Variants in ZNF713 observed in about 807,000 individuals in gnomAD.
ZNF713 encodes the protein zinc finger protein 713.
In ZNF713, 21 loss-of-function variants were observed where a neutral mutation model predicts 28.7. That is an observed-to-expected ratio of 0.73 (90% confidence interval 0.52 to 1.05). The LOEUF (loss-of-function observed/expected upper bound fraction) is 1.05, where lower values mean the gene tolerates loss of function less well. Ranked by LOEUF, ZNF713 falls within the 50% of genes least tolerant of loss-of-function variation. The pLI, the probability that ZNF713 is intolerant of heterozygous loss-of-function variation, is 0.00. For missense variants in ZNF713, 458 were observed against 532.4 expected (o/e 0.86, Z 1.37); for synonymous variants, 167 against 178.0 (o/e 0.94, Z 0.49).
At chr7:55,918,695 C>T (rs1180084081) in intron 4 of ZNF713, among the ~76,000 whole-genome samples, 1 of 152,110 alleles carries the variant, frequency 6.6e-6, no homozygotes, top group Non-Finnish European at 1.5e-5. Context: ...ACATTGTTAC[C>T]TTCAGTAACA....
chr7:55,932,909 A>AAAG (rs1554337804), intron 6 of ZNF713, among the ~76,000 whole-genome samples: 8 of 145,618 alleles, frequency 5.5e-5, no homozygotes, highest in African/African-American at 1.8e-4. Context: ...AAAAAAAAAA[A>AAAG]AGAAGCTACA....
At chr7:55,925,979 C>T (rs1049983375) in intron 6 of ZNF713, among the ~76,000 whole-genome samples, 1 of 152,280 alleles carries the variant, frequency 6.6e-6, no homozygotes, top group Non-Finnish European at 1.5e-5. Flanking sequence ...TGTCCCTCTA[C>T]ACAGACCCCC....
intron 1 of ZNF713, among the ~76,000 whole-genome samples, chr7:55,889,103 A>ATT (rs34452146): frequency 0.035 from 4,981 of 144,068 alleles, 284 homozygotes; most frequent in African/African-American, 0.12. Context: ...TCATATAATG[A>ATT]TTTTTTTTTT....
chr7:55,897,001 T>C (rs1785485276), intron 1 of ZNF713, among the ~76,000 whole-genome samples: 1 of 152,128 alleles, frequency 6.6e-6, no homozygotes, highest in African/African-American at 2.4e-5. Flanking sequence ...TTTTAACTCA[T>C]AGAATAAAAT....
intron 6 of ZNF713, among the ~76,000 whole-genome samples, chr7:55,938,361 C>T (rs901137232): frequency 6.6e-6 from 1 of 151,280 alleles, no homozygotes; most frequent in Non-Finnish European, 1.5e-5. Context: ...CATGCTTGTC[C>T]AAAATATGTT....
At chr7:55,930,715 G>T (rs1370793518) in intron 6 of ZNF713, among the ~76,000 whole-genome samples, 1 of 152,050 alleles carries the variant, frequency 6.6e-6, no homozygotes, top group Non-Finnish European at 1.5e-5. Context: ...GCAGTAAGCC[G>T]AGATCGTGCT....
intron 1 of ZNF713, among the ~76,000 whole-genome samples, chr7:55,893,890 G>A (rs1382436362): frequency 6.6e-6 from 1 of 152,130 alleles, no homozygotes; most frequent in Non-Finnish European, 1.5e-5. Flanking sequence ...AAGGGTTGTT[G>A]TTTCTATGAC....
chr7:55,930,514 A>AT (rs1328922438), intron 6 of ZNF713, among the ~76,000 whole-genome samples: 3 of 152,188 alleles, frequency 2.0e-5, no homozygotes, highest in African/African-American at 7.2e-5. Context: ...AACCACACTC[A>AT]TTCTTTTACA....
At chr7:55,900,467 CA>C (rs201434785) in intron 1 of ZNF713, among the ~76,000 whole-genome samples, 6,647 of 140,344 alleles carry the variant, frequency 0.047, 168 homozygotes, top group Admixed American at 0.068. Flanking sequence ...GACTCCATTT[CA>C]AAAAAAAAAA....
At chr7:55,925,966 T>C (rs1040477779) in intron 6 of ZNF713, among the ~76,000 whole-genome samples, 1 of 152,108 alleles carries the variant, frequency 6.6e-6, no homozygotes, top group African/African-American at 2.4e-5. Context: ...CTATCTCCTA[T>C]TGTGTCCCTC....
At chr7:55,898,766 G>T (rs1307209149) in intron 1 of ZNF713, among the ~76,000 whole-genome samples, 1 of 151,986 alleles carries the variant, frequency 6.6e-6, no homozygotes, top group African/African-American at 2.4e-5. Flanking sequence ...GTCCTGAATA[G>T]ACATTCTCAT....
At chr7:55,910,905 G>T (rs1785771891) in intron 2 of ZNF713, among the ~76,000 whole-genome samples, 1 of 152,182 alleles carries the variant, frequency 6.6e-6, no homozygotes, top group South Asian at 2.1e-4. Context: ...GGTTCTTTCT[G>T]CAGACAACTG....
intron 2 of ZNF713, 52 bp from the exon 3 acceptor site, chr7:55,911,564 G>T (rs564024321): frequency 6.6e-6 from 1 of 152,134 alleles, no homozygotes; most frequent in Non-Finnish European, 1.5e-5. Flanking sequence ...AAGCCCCTAG[G>T]TGGCTGAGAC....
chr7:55,887,626 C>CA lies in ZNF713; in HGVS notation c.-637_-636insA. The stretch of plus-strand genomic sequence containing the variant: ...GCGGCGGCGGCGGCGGCGGCGGCGG[C>CA]GGCGGCGGCGGCGTCAGGGGGCGGA... On this transcript the variant is annotated 5_prime_UTR_variant, in exon 1 of 7. Coordinates refer to ENST00000429591, the MANE Select transcript of ZNF713 (RefSeq NM_182633.3). 1 of 177,966 alleles carries CA rather than the reference C, an allele frequency of 5.6e-6. No individual in the cohort carries two copies. Among genetic ancestry groups the CA allele is most frequent in the Non-Finnish European group, 1.1e-5 (1 of 92,278 alleles). The allele number at this position is 177,966 out of a possible 1,614,324, so 11.0% of individuals were successfully genotyped here.
At chr7:55,930,110 G>A (rs1239558412) in intron 6 of ZNF713, among the ~76,000 whole-genome samples, 1 of 151,954 alleles carries the variant, frequency 6.6e-6, no homozygotes, top group East Asian at 1.9e-4. Flanking sequence ...GCCCAGGCTG[G>A]AGTGCAGTGA....
intron 1 of ZNF713, among the ~76,000 whole-genome samples, chr7:55,895,715 G>T (rs1193986632): frequency 1.3e-5 from 2 of 151,982 alleles, no homozygotes; most frequent in Admixed American, 6.6e-5. Context: ...CAATCTGCCC[G>T]CCTTGGCCTC....
chr7:55,931,233 C>T (rs757239308), intron 6 of ZNF713, among the ~76,000 whole-genome samples: 13 of 151,912 alleles, frequency 8.6e-5, no homozygotes, highest in Non-Finnish European at 1.5e-4. Flanking sequence ...TTGCGGTGAG[C>T]CGAGATCACG....
At chr7:55,899,954 G>C (rs1410516087) in intron 1 of ZNF713, among the ~76,000 whole-genome samples, 2 of 151,922 alleles carry the variant, frequency 1.3e-5, no homozygotes, top group African/African-American at 2.4e-5. Context: ...ATGTTGGCCA[G>C]GCTGGTCTTG....
intron 6 of ZNF713, among the ~76,000 whole-genome samples, chr7:55,934,081 C>T (rs1584319615): frequency 1.3e-5 from 2 of 152,168 alleles, no homozygotes; most frequent in East Asian, 3.9e-4. Flanking sequence ...AAATCAGTGA[C>T]TTAGGAAGAA....
Sources: allele counts gnomAD v4.1 joint callset (sites outside exome capture counted in the v4.1 genomes callset), GRCh38; gene constraint gnomAD v4.1.1; transcripts MANE v1.5; gene names NCBI Gene and HGNC (gene_info 2026-07-23, HGNC 2026-07-21).